Variants in TRIP12 observed in about 807,000 individuals in gnomAD.
TRIP12 encodes thyroid hormone receptor interactor 12.
In TRIP12, 25 loss-of-function variants were observed where a neutral mutation model predicts 244.2. That is an observed-to-expected ratio of 0.10 (90% confidence interval 0.07 to 0.14). The LOEUF is 0.14. Among genes scored for constraint, TRIP12 ranks in the 10% least tolerant of loss-of-function variants. TRIP12 has a pLI of 1.00. For synonymous variants in TRIP12, 905 were observed against 873.1 expected (o/e 1.04, Z -0.64); for missense variants, 1,677 against 2,486.4 (o/e 0.67, Z 6.92).
intron 2 of TRIP12, among the ~76,000 whole-genome samples, chr2:229,869,769 G>T (rs1354483230): frequency 6.6e-6 from 1 of 152,154 alleles, no homozygotes; most frequent in African/African-American, 2.4e-5. Context: ...TCCAGAATCA[G>T]AACAACAGTG....
intron 8 of TRIP12, among the ~76,000 whole-genome samples, chr2:229,820,914 T>C (rs2049879207): frequency 6.6e-6 from 1 of 152,158 alleles, no homozygotes; most frequent in Non-Finnish European, 1.5e-5. Context: ...CCAATCTGAA[T>C]TTGGTTGCTA....
intron 39 of TRIP12, among the ~76,000 whole-genome samples, chr2:229,769,711 A>AC (rs1034179980): frequency 3.9e-4 from 59 of 152,080 alleles, no homozygotes; most frequent in African/African-American, 1.4e-3. Context: ...ACAAAGGTAT[A>AC]CAGTAACAGA....
At chr2:229,881,018 A>T (rs949916266) in intron 1 of TRIP12, among the ~76,000 whole-genome samples, 2 of 152,210 alleles carry the variant, frequency 1.3e-5, no homozygotes, top group Non-Finnish European at 2.9e-5. Flanking sequence ...CAGCTCAAAT[A>T]GAGTAAATTG....
intron 1 of TRIP12, among the ~76,000 whole-genome samples, chr2:229,920,814 G>A (rs2076378868): frequency 6.6e-6 from 1 of 152,144 alleles, no homozygotes; most frequent in African/African-American, 2.4e-5. Context: ...GAGGAAGACA[G>A]GATTTGAGGT....
Position 229,810,915 on chromosome 2 carries a change from T to C in TRIP12, c.2186A>G (p.Asn729Ser), listed in dbSNP as rs770793335. 6.2e-6 allele frequency: 10 copies of C among 1,613,934 alleles called. No homozygotes were observed. Among genetic ancestry groups the C allele is most frequent in the African/African-American group, 5.3e-5 (4 of 74,918 alleles). The part of the protein sequence containing the change: ...VVRMFSLMCS[N>S]CPTLAVQLMK... ...AAGTTGAACAGCTAAAGTTGGACAG[T>C]TGGAACACATCAGAGAAAACATGCG... Residue 729 changes from asparagine (N) to serine (S), a missense_variant, in exon 15 of 42, where the codon AAC becomes AGC. Asn to Ser is a conservative substitution (Grantham distance 46). Coordinates refer to ENST00000675903, the MANE Select transcript of TRIP12 (RefSeq NM_001348323.3).
chr2:229,881,275 A>G (rs1348146197), intron 1 of TRIP12, among the ~76,000 whole-genome samples: 1 of 152,264 alleles, frequency 6.6e-6, no homozygotes, highest in Non-Finnish European at 1.5e-5. Flanking sequence ...TCAGAAAATT[A>G]GTTTAACTGG....
chr2:229,805,889 A>G lies in TRIP12; in HGVS notation c.2497-6T>C. The G allele has an allele frequency of 6.5e-7, 1 of 1,531,306 alleles. No individual in the cohort carries two copies. Among genetic ancestry groups the G allele is most frequent in the Non-Finnish European group, 8.9e-7 (1 of 1,123,662 alleles). 94.9% of individuals were successfully genotyped at this position (1,531,306 alleles called of 1,614,324 possible). A position where few individuals can be genotyped will look rare whatever the true frequency, so the allele number is the denominator to read the frequency against. On this transcript the variant is annotated splice_region_variant and splice_polypyrimidine_tract_variant and intron_variant, in intron 17 of 41. Transcript: ENST00000675903. ...TCACCGACCTGATGGGCTGCCTGAGAGCAAAGAGAGAGAAACTTTGAATAT... is the reference window on the plus strand; with the variant it reads ...TCACCGACCTGATGGGCTGCCTGAGGGCAAAGAGAGAGAAACTTTGAATAT...
At chr2:229,798,820 GTT>G (rs1345744505) in intron 23 of TRIP12, 53 bp downstream of exon 23, 1 of 1,581,438 alleles carries the variant, frequency 6.3e-7, no homozygotes, top group Non-Finnish European at 8.6e-7. Context: ...CTGAAATAAT[GTT>G]TAAGTTTTTC....
intron 4 of TRIP12, among the ~76,000 whole-genome samples, chr2:229,850,742 G>T (rs1176473505): frequency 6.6e-6 from 1 of 152,224 alleles, no homozygotes; most frequent in Non-Finnish European, 1.5e-5. Context: ...GGGAACGGGG[G>T]CTGCACCCGG....
intron 8 of TRIP12, among the ~76,000 whole-genome samples, chr2:229,820,629 T>G (rs2049807574): frequency 6.6e-6 from 1 of 152,194 alleles, no homozygotes; most frequent in South Asian, 2.1e-4. Context: ...TTAAAAGACC[T>G]TATTTTCCAA....
At chr2:229,915,694 A>G (rs1310576767) in intron 1 of TRIP12, among the ~76,000 whole-genome samples, 1 of 35,822 alleles carries the variant, frequency 2.8e-5, no homozygotes, top group Non-Finnish European at 6.4e-5. Flanking sequence ...TTGTATACTA[A>G]AAAAAAAAAA....
At chr2:229,782,056 T>C (rs1056406622) in intron 34 of TRIP12, among the ~76,000 whole-genome samples, 2 of 152,178 alleles carry the variant, frequency 1.3e-5, no homozygotes, top group African/African-American at 4.8e-5. Flanking sequence ...AGGAAAGATA[T>C]TTCCTGGCAA....
intron 13 of TRIP12, 39 bp downstream of exon 13, chr2:229,813,827 TAATA>T (rs745977924): frequency 7.6e-7 from 1 of 1,322,096 alleles, no homozygotes; most frequent in Non-Finnish European, 9.8e-7. Flanking sequence ...AAAAAATTAG[TAATA>T]AAACACTTTA....
chr2:229,845,995 C>G (rs566320014), intron 4 of TRIP12, among the ~76,000 whole-genome samples: 3 of 129,404 alleles, frequency 2.3e-5, no homozygotes, highest in African/African-American at 8.7e-5. Context: ...GGTGACAGAT[C>G]GAGAGCCTCT....
intron 2 of TRIP12, among the ~76,000 whole-genome samples, chr2:229,861,313 A>T (rs2060446053): frequency 6.6e-6 from 1 of 152,226 alleles, no homozygotes; most frequent in Non-Finnish European, 1.5e-5. Flanking sequence ...TTTCAGTTAG[A>T]TTATTTTTTA....
intron 23 of TRIP12, among the ~76,000 whole-genome samples, chr2:229,798,055 T>C (rs375108277): frequency 8.5e-5 from 13 of 152,236 alleles, no homozygotes; most frequent in African/African-American, 2.7e-4. Flanking sequence ...GGTCATTACA[T>C]GAATTGTAAA....
chr2:229,818,481 C>T lies in TRIP12; in HGVS notation c.1482G>A (p.Leu494=), dbSNP rs2049053698. The T allele has an allele frequency of 6.2e-7, 1 of 1,614,086 alleles. No individual in the cohort carries two copies. Among genetic ancestry groups the T allele is most frequent in the Non-Finnish European group, 8.5e-7 (1 of 1,179,980 alleles). ...SSKAQQLLQG[L]QASDESQQLQ... is the part of the protein sequence containing the mutation. Reference sequence around the variant, plus strand: ...GCTGTTGACTTTCATCACTGGCTTGCAATCCTTGTAGTAGCTGCTGGGCCT... The same window carrying T: ...GCTGTTGACTTTCATCACTGGCTTGTAATCCTTGTAGTAGCTGCTGGGCCT... Residue 494 remains leucine, a synonymous_variant, in exon 9 of 42, where the codon TTG becomes TTA. Transcript: ENST00000675903.
chr2:229,797,579 G>A (rs1478640015), intron 24 of TRIP12, 111 bp downstream of exon 24: 20 of 1,347,788 alleles, frequency 1.5e-5, no homozygotes, highest in African/African-American at 1.5e-4. Flanking sequence ...GGTAAAAGTC[G>A]ATGTAGGATA....
intron 2 of TRIP12, among the ~76,000 whole-genome samples, chr2:229,875,150 AAAT>A (rs994115096): frequency 3.2e-4 from 49 of 152,354 alleles, no homozygotes; most frequent in African/African-American, 1.2e-3. Context: ...GGGCTAAGAA[AAAT>A]AATAGAAGAG....
Sources: gnomAD v4.1 joint callset for allele counts (sites outside exome capture counted in the v4.1 genomes callset) on GRCh38, gnomAD v4.1.1 for gene constraint, MANE v1.5 for transcripts, NCBI Gene and HGNC (gene_info 2026-07-23, HGNC 2026-07-21) for gene names.